VPS13D: variants seen among roughly 807,000 people sequenced by gnomAD.
VPS13D encodes intermembrane lipid transfer protein VPS13D.
VPS13D carries 187 observed loss-of-function variants against 461.9 expected under a neutral mutation model. The observed-to-expected ratio is 0.40, with a 90% CI of 0.36 to 0.46. The LOEUF is 0.46. Among genes scored for constraint, VPS13D ranks in the 20% least tolerant of loss-of-function variants. The pLI, the probability that VPS13D is intolerant of heterozygous loss-of-function variation, is 0.60. For synonymous variants in VPS13D, 1,951 were observed against 1,986.3 expected (o/e 0.98, Z 0.47); for missense variants, 4,711 against 5,364.9 (o/e 0.88, Z 3.81).
chr1:12,494,115 C>G (rs1250646111), intron 67 of VPS13D, among the ~76,000 whole-genome samples: 1 of 152,184 alleles, frequency 6.6e-6, no homozygotes, highest in Non-Finnish European at 1.5e-5. Context: ...CCTTGAATGC[C>G]ACAGTGAGCT....
intron 37 of VPS13D, 97 bp downstream of exon 37, chr1:12,330,015 A>AGGGGGG: frequency 2.5e-6 from 1 of 392,652 alleles, no homozygotes; most frequent in South Asian, 1.9e-5. Context: ...AGGAAAGGGC[A>AGGGGGG]GGGGTGGGGT....
chr1:12,443,650 A>C (rs1039179257), intron 65 of VPS13D, among the ~76,000 whole-genome samples: 1 of 151,586 alleles, frequency 6.6e-6, no homozygotes, highest in Admixed American at 6.6e-5. Context: ...TACTTACATT[A>C]TGTTTAACCC....
intron 18 of VPS13D, among the ~76,000 whole-genome samples, chr1:12,275,318 G>A (rs1046646709): frequency 6.6e-6 from 1 of 152,182 alleles, no homozygotes; most frequent in African/African-American, 2.4e-5. Flanking sequence ...GGGAGGCCGA[G>A]ACAGTAGAAT....
intron 25 of VPS13D, among the ~76,000 whole-genome samples, chr1:12,300,485 G>A (rs1642394697): frequency 6.6e-6 from 1 of 152,082 alleles, no homozygotes; most frequent in South Asian, 2.1e-4. Context: ...TGAGATTACA[G>A]GCATGAGCCA....
At position 12,276,643 on chromosome 1, in the gene VPS13D, T is replaced by C. The variant is rs1468382895; in HGVS notation, c.3055T>C (p.Leu1019=). Residue 1019 remains leucine (L), a synonymous_variant, in exon 19 of 70, where the codon TTG becomes CTG. Transcript: ENST00000620676. The surrounding 1 kb of genome is among the most constrained non-coding windows in gnomAD (Gnocchi z 4.5). ...GACATATGGTGCTGATTTTGACCTT[T>C]TGATGGCTTCACATAAGAACTTGAG... ...MQTYGADFDL[L]MASHKNLSFD... is the part of the protein sequence containing the mutation. 2 of 1,614,218 alleles carry C rather than the reference T, an allele frequency of 1.2e-6. No individual in the cohort carries two copies. Among genetic ancestry groups the C allele is most frequent in the Non-Finnish European group, 8.5e-7 (1 of 1,180,034 alleles).
chr1:12,277,006 C>T lies in VPS13D; in HGVS notation c.3418C>T (p.Gln1140Ter). ...FPKEKDDLSP[Q>*]PLMTDFERSF... ...CAAGGAAAAAGATGATTTAAGTCCT[C>T]AACCTTTAATGACTGATTTTGAAAG... Residue 1140 changes from glutamine to a stop codon, truncating the protein, a stop_gained, in exon 19 of 70, where the codon CAA becomes TAA. Coordinates refer to ENST00000620676, the MANE Select transcript of VPS13D (RefSeq NM_015378.4). LOFTEE classifies it high-confidence loss of function. 1 of 1,614,130 alleles carries T rather than the reference C, an allele frequency of 6.2e-7. No individual in the cohort carries two copies. Among genetic ancestry groups the T allele is most frequent in the Non-Finnish European group, 8.5e-7 (1 of 1,180,040 alleles).
At chr1:12,281,834 G>A (rs1420181034) in intron 20 of VPS13D, among the ~76,000 whole-genome samples, 2 of 151,726 alleles carry the variant, frequency 1.3e-5, no homozygotes, top group African/African-American at 4.8e-5. Flanking sequence ...GTATCTATTG[G>A]TTGGAATTCT....
At chr1:12,475,894 AAAAAAAAC>A (rs2100465073) in intron 67 of VPS13D, among the ~76,000 whole-genome samples, 1 of 152,330 alleles carries the variant, frequency 6.6e-6, no homozygotes, top group African/African-American at 2.4e-5. Flanking sequence ...TGTTTAAAAA[AAAAAAAAC>A]AAAAAACAAA....
At chr1:12,415,036 A>C (rs1206286217) in intron 63 of VPS13D, 51 bp from the exon 64 acceptor site, 3 of 1,600,856 alleles carry the variant, frequency 1.9e-6, no homozygotes, top group Non-Finnish European at 1.7e-6. Flanking sequence ...ATAGTATCAC[A>C]GAAGGCCATC....
Position 12,253,755 on chromosome 1 carries a change from G to A in VPS13D, c.598G>A (p.Val200Ile), listed in dbSNP as rs770372868. ...QKLMRKKQLD[V>I]AEFSIYWDVD... Reference sequence around the variant, plus strand: ...ACTAATGCGGAAAAAGCAATTAGACGTAGCAGAATTTAGCATCTATTGGGA... The same window carrying A: ...ACTAATGCGGAAAAAGCAATTAGACATAGCAGAATTTAGCATCTATTGGGA... Residue 200 changes from valine (V) to isoleucine (I), a missense_variant, in exon 7 of 70, where the codon GTA becomes ATA. By Grantham distance (29) the Val-to-Ile change is conservative. Transcript: ENST00000620676. 24 of 1,613,960 alleles carry A rather than the reference G, an allele frequency of 1.5e-5. No homozygotes were observed. Among genetic ancestry groups the A allele is most frequent in the East Asian group, 2.2e-5 (1 of 44,892 alleles).
intron 67 of VPS13D, among the ~76,000 whole-genome samples, chr1:12,481,161 G>A (rs1329267087): frequency 2.0e-5 from 3 of 150,028 alleles, no homozygotes; most frequent in African/African-American, 5.1e-5. Flanking sequence ...TGCATTGGCC[G>A]ACTCCTGGCT....
intron 1 of VPS13D, among the ~76,000 whole-genome samples, chr1:12,232,998 A>C (rs938081816): frequency 2.0e-5 from 3 of 148,630 alleles, no homozygotes; most frequent in African/African-American, 7.4e-5. Context: ...GGTTTGTTTC[A>C]TGAGTTTCTT....
At chr1:12,254,498 T>TA (rs1009792691) in intron 7 of VPS13D, among the ~76,000 whole-genome samples, 4 of 145,542 alleles carry the variant, frequency 2.7e-5, no homozygotes, top group Admixed American at 1.4e-4. Context: ...TGTGAAGGAT[T>TA]AAAAAAATCT....
At chr1:12,384,203 G>A (rs1643997931) in intron 58 of VPS13D, among the ~76,000 whole-genome samples, 1 of 152,174 alleles carries the variant, frequency 6.6e-6, no homozygotes, top group African/African-American at 2.4e-5. Flanking sequence ...GTGGACATGA[G>A]GAGGCTGGAG....
Position 12,499,448 on chromosome 1 carries a change from ATC to A in VPS13D, c.12794+1821_12794+1822del, listed in dbSNP as rs749779437. ...AACTCACCTCTATTCAAGTCGAACT[ATC>A]TCTGGTCACTGTGAAATTTGTTTGC... On this transcript the variant is annotated intron_variant, in intron 68 of 69. Coordinates refer to ENST00000620676, the MANE Select transcript of VPS13D (RefSeq NM_015378.4). 105 of 985,364 alleles carry A rather than the reference ATC, an allele frequency of 1.1e-4. 2 individuals are homozygous for A. In the Middle Eastern group the frequency reaches 3.7e-3, roughly 34 times the overall value. 61.0% of individuals were successfully genotyped at this position (985,364 alleles called of 1,614,324 possible). A position where few individuals can be genotyped will look rare whatever the true frequency, so the allele number is the denominator to read the frequency against.
At chr1:12,245,744 A>G (rs958633076) in intron 5 of VPS13D, among the ~76,000 whole-genome samples, 8 of 152,208 alleles carry the variant, frequency 5.3e-5, no homozygotes, top group Non-Finnish European at 8.8e-5. Context: ...AAAAAAAATA[A>G]TAATTTAAAA....
At chr1:12,506,560 A>T (rs1268896890) in intron 68 of VPS13D, among the ~76,000 whole-genome samples, 1 of 152,102 alleles carries the variant, frequency 6.6e-6, no homozygotes, top group East Asian at 1.9e-4. Context: ...CTCCTCTGCC[A>T]GGCAGTGAAC....
chr1:12,404,083 C>A (rs1262118266), intron 63 of VPS13D, 110 bp downstream of exon 63: 1 of 913,320 alleles, frequency 1.1e-6, no homozygotes, highest in Non-Finnish European at 1.5e-6. Context: ...TTTTTTTTGT[C>A]CCTCATCATC....
chr1:12,507,209 C>T lies in VPS13D; in HGVS notation c.13035+116C>T. 6.4e-7 allele frequency: 1 copy of T among 1,569,350 alleles called. No homozygotes were observed. Reference sequence around the variant, plus strand: ...TTAGGAGGTTGAGGCTGGGCCCTTCCCAGGAGTGCTGCCTCTCAGTCCTGA... The same window carrying T: ...TTAGGAGGTTGAGGCTGGGCCCTTCTCAGGAGTGCTGCCTCTCAGTCCTGA... On this transcript the variant is annotated intron_variant, in intron 69 of 69. Coordinates refer to ENST00000620676, the MANE Select transcript of VPS13D (RefSeq NM_015378.4). This position sits in a 1 kb window ranked among gnomAD's most constrained non-coding sequence, Gnocchi z 5.3.
Sources: gnomAD v4.1 joint callset for allele counts (sites outside exome capture counted in the v4.1 genomes callset) on GRCh38, gnomAD v4.1.1 for gene constraint, Gnocchi (gnomAD v3.1) non-coding constraint, MANE v1.5 for transcripts, NCBI Gene and HGNC (gene_info 2026-07-23, HGNC 2026-07-21) for gene names.